Variants in RRH observed in about 807,000 individuals in gnomAD.
The protein encoded by RRH is retinal pigment epithelium-derived rhodopsin homolog, also known as visual pigment-like receptor peropsin.
Under a neutral mutation model 33.1 loss-of-function variants are expected in RRH, and 36 were observed. The observed-to-expected ratio is 1.09, with a 90% CI of 0.83 to 1.44. The LOEUF is 1.44. Among genes scored for constraint, RRH ranks in the 40% most tolerant of loss-of-function variants. RRH has a pLI of 0.00. For synonymous variants in RRH, 124 were observed against 140.2 expected (o/e 0.88, Z 0.82); for missense variants, 393 against 420.2 (o/e 0.94, Z 0.57).
At chr4:109,844,025 G>A (rs540423693) in intron 6 of RRH, 58 bp from the exon 7 acceptor site, 88 of 1,129,788 alleles carry the variant, frequency 7.8e-5, no homozygotes, top group Non-Finnish European at 1.1e-4. Context: ...ATTTGAAAAT[G>A]CTTTAGAAGT....
Position 109,844,264 on chromosome 4 carries a change from A to G in RRH, c.*67A>G, listed in dbSNP as rs1734039999. 3 of 975,184 alleles carry G rather than the reference A, an allele frequency of 3.1e-6. No homozygotes were observed. The highest frequency in any genetic ancestry group is 2.5e-5 in the East Asian group (1 of 40,346). The allele number at this position is 975,184 out of a possible 1,614,324, so 60.4% of individuals were successfully genotyped here. A position where few individuals can be genotyped will look rare whatever the true frequency, so the allele number is the denominator to read the frequency against. On this transcript the variant is annotated 3_prime_UTR_variant, in exon 7 of 7. Transcript: ENST00000317735. ...TGACAATGCTTTTCTTTTAAATATG[A>G]GCCCATTTAGATCAAGTGCAGACAT...
chr4:109,835,331 T>C (rs771555536), intron 2 of RRH, 35 bp from the exon 3 acceptor site: 23 of 1,410,780 alleles, frequency 1.6e-5, no homozygotes, highest in Non-Finnish European at 4.0e-6. Flanking sequence ...GGAGGGTGTT[T>C]AGAATGGTAG....
Position 109,842,619 on chromosome 4 carries a change from C to A in RRH, c.871C>A (p.Pro291Thr). ...TGCAAAATCTTCTACATTCTATAAC[C>A]CCTGCATTTATGTGGTTGCTAATAA... is the stretch of plus-strand genomic sequence containing the variant. Reference protein sequence around the residue: ...LFAKSSTFYNPCIYVVANKKF... With the variant: ...LFAKSSTFYNTCIYVVANKKF... The change falls in exon 6 of 7, where the codon CCC (proline) becomes ACC (threonine). Residue 291 changes from proline to threonine, a missense_variant. Transcript: ENST00000317735. The A allele has an allele frequency of 6.2e-7, 1 of 1,613,866 alleles. No individual in the cohort carries two copies. Among genetic ancestry groups the A allele is most frequent in the African/African-American group, 1.3e-5 (1 of 75,004 alleles).
Position 109,842,571 on chromosome 4 carries a change from A to C in RRH, c.823A>C (p.Met275Leu). Residue 275 changes from methionine to leucine, a missense_variant, in exon 6 of 7, where the codon ATG becomes CTG. By Grantham distance (15) the Met-to-Leu change is conservative. Coordinates refer to ENST00000317735, the MANE Select transcript of RRH (RefSeq NM_006583.5). The stretch of plus-strand genomic sequence containing the variant: ...TGACCCAAAGAAGATTCCTCCCCCC[A>C]TGGCCATCATAGCTCCACTGTTTGC... ...FGDPKKIPPP[M>L]AIIAPLFAKS... 6.2e-7 allele frequency: 1 copy of C among 1,613,740 alleles called. No homozygotes were observed. The highest frequency in any genetic ancestry group is 2.2e-5 in the East Asian group (1 of 44,880).
At position 109,843,006 on chromosome 4, in the gene RRH, C is replaced by G. The variant is rs114727210; in HGVS notation, c.899+359C>G. 4.2e-3 allele frequency among the ~76,000 whole-genome samples: 646 copies of G among 152,212 alleles called. 8 individuals are homozygous for G. The highest frequency in any genetic ancestry group is 0.015 in the African/African-American group (620 of 41,520). On this transcript the variant is annotated intron_variant, in intron 6 of 6. Transcript: ENST00000317735. ...CCCCAAATACATGGAATAGTGGTTT[C>G]CAAAGAAAAGAGGGATTCTATAACT...
intron 5 of RRH, among the ~76,000 whole-genome samples, chr4:109,841,671 C>T (rs556520078): frequency 4.9e-4 from 74 of 152,096 alleles, no homozygotes; most frequent in African/African-American, 1.5e-3. Flanking sequence ...CTCTTTTTAA[C>T]GTTTATTTAT....
At chr4:109,831,217 C>T (rs1426565796) in intron 1 of RRH, among the ~76,000 whole-genome samples, 1 of 152,006 alleles carries the variant, frequency 6.6e-6, no homozygotes, top group Non-Finnish European at 1.5e-5. Flanking sequence ...TGTAGCTAGC[C>T]CAGAAAGAGT....
intron 5 of RRH, 83 bp downstream of exon 5, chr4:109,837,688 G>T: frequency 9.9e-7 from 1 of 1,012,546 alleles, no homozygotes; most frequent in South Asian, 1.4e-5. Context: ...GACCACCGCA[G>T]TCTTCTCTCC....
Position 109,833,202 on chromosome 4 carries a change from G to C in RRH, c.170G>C (p.Arg57Pro). Residue 57 changes from arginine to proline, a missense_variant, in exon 2 of 7, where the codon CGG (arginine) becomes CCG (proline). Arg to Pro is a moderately radical substitution (Grantham distance 103, BLOSUM62 -2). Transcript: ENST00000317735. Reference protein sequence around the residue: ...LGIFIKYKELRTPTNAIIINL... With the variant: ...LGIFIKYKELPTPTNAIIINL... Reference sequence around the variant, plus strand: ...ATCTTCATTAAGTACAAGGAACTTCGGACACCCACAAATGCAATTATTATT... The same window carrying C: ...ATCTTCATTAAGTACAAGGAACTTCCGACACCCACAAATGCAATTATTATT... The C allele has an allele frequency of 6.2e-7, 1 of 1,613,728 alleles. No individual in the cohort carries two copies. Among genetic ancestry groups the C allele is most frequent in the Middle Eastern group, 1.6e-4 (1 of 6,062 alleles).
chr4:109,839,723 G>A (rs866848983), intron 5 of RRH, among the ~76,000 whole-genome samples: 11 of 152,130 alleles, frequency 7.2e-5, no homozygotes, highest in Admixed American at 1.3e-4. Flanking sequence ...TTGGTTTTCT[G>A]TTCCTGCATT....
At chr4:109,837,342 A>C in intron 4 of RRH, 95 bp from the exon 5 acceptor site, 2 of 1,038,514 alleles carry the variant, frequency 1.9e-6, no homozygotes, top group Admixed American at 3.9e-5. Context: ...CAATATAATG[A>C]CTACCAGTAT....
intron 2 of RRH, among the ~76,000 whole-genome samples, chr4:109,833,596 A>G (rs1733809457): frequency 6.6e-6 from 1 of 152,204 alleles, no homozygotes; most frequent in Non-Finnish European, 1.5e-5. Flanking sequence ...AAGAGTGCTG[A>G]TTTGCATATT....
intron 2 of RRH, 77 bp from the exon 3 acceptor site, chr4:109,835,289 T>G (rs1733854814): frequency 2.1e-6 from 2 of 936,638 alleles, no homozygotes; most frequent in Non-Finnish European, 3.5e-6. Context: ...TGAGATATAT[T>G]CTAACAATGG....
intron 1 of RRH, 81 bp from the exon 2 acceptor site, chr4:109,833,058 G>A (rs1425820905): frequency 8.8e-7 from 1 of 1,132,602 alleles, no homozygotes; most frequent in East Asian, 2.4e-5. Flanking sequence ...GTTTTTAAAG[G>A]GGCTTAAATA....
chr4:109,829,236 T>C (rs977558562), intron 1 of RRH, among the ~76,000 whole-genome samples: 1 of 152,098 alleles, frequency 6.6e-6, no homozygotes, highest in Non-Finnish European at 1.5e-5. Flanking sequence ...GAAATTGAGT[T>C]CCTCAGTTAA....
chr4:109,833,505 C>A (rs1036542113), intron 2 of RRH, among the ~76,000 whole-genome samples, 176 bp downstream of exon 2: 1 of 152,070 alleles, frequency 6.6e-6, no homozygotes, highest in African/African-American at 2.4e-5. Context: ...GAAATTAAAT[C>A]ACCAACCATT....
chr4:109,832,494 T>G (rs1206209089), intron 1 of RRH, among the ~76,000 whole-genome samples: 1 of 37,230 alleles, frequency 2.7e-5, no homozygotes, highest in Non-Finnish European at 4.9e-5. Context: ...TCTATTGGGG[T>G]AGTGTGTGTG....
chr4:109,839,295 A>G (rs1341411085), intron 5 of RRH, among the ~76,000 whole-genome samples: 1 of 152,198 alleles, frequency 6.6e-6, no homozygotes, highest in Non-Finnish European at 1.5e-5. Flanking sequence ...ATGTTGAACA[A>G]AATAGAAATT....
chr4:109,843,254 C>A (rs779608517), intron 6 of RRH, among the ~76,000 whole-genome samples: 5 of 152,214 alleles, frequency 3.3e-5, no homozygotes, highest in Non-Finnish European at 7.3e-5. Context: ...TCTCTGTCAC[C>A]CAGGCTGGAG....
Sources: allele counts gnomAD v4.1 joint callset (sites outside exome capture counted in the v4.1 genomes callset), GRCh38; gene constraint gnomAD v4.1.1; transcripts MANE v1.5; gene names NCBI Gene and HGNC (gene_info 2026-07-23, HGNC 2026-07-21).